Variants in WNT2B observed in about 807,000 individuals in gnomAD.
The protein encoded by WNT2B is protein Wnt-2b.
A neutral mutation model predicts 40.5 loss-of-function variants in WNT2B; 19 were observed. That is an observed-to-expected ratio of 0.47 (90% CI 0.33 to 0.69). WNT2B has a LOEUF of 0.69. Ranked by LOEUF, WNT2B falls within the 30% of genes least tolerant of loss-of-function variation. WNT2B has a pLI of 0.02. For missense variants in WNT2B, 467 were observed against 556.4 expected, an observed-to-expected ratio of 0.84 and a Z score of 1.62; for synonymous variants, 220 against 211.9, an observed-to-expected ratio of 1.04 and a Z score of -0.33.
At position 112,509,186 on chromosome 1, in the gene WNT2B, A is replaced by T; in HGVS notation, c.-77A>T. On this transcript the variant is annotated 5_prime_UTR_variant, in exon 1 of 5. Transcript: ENST00000369684. The surrounding 1 kb of genome is among the most constrained non-coding windows in gnomAD (Gnocchi z 4.2). ...CCATGGCCCCCCAGGGGGGTGAGGT[A>T]GGAGCAGCCTGAGTACCCCCAGAAG... The T allele has an allele frequency of 7.1e-7, 1 of 1,413,262 alleles. No individual in the cohort carries two copies. The highest frequency in any genetic ancestry group is 9.1e-7 in the Non-Finnish European group (1 of 1,094,710). The allele number at this position is 1,413,262 out of a possible 1,614,324, so 87.5% of individuals were successfully genotyped here.
intron 1 of WNT2B, among the ~76,000 whole-genome samples, chr1:112,493,460 A>T (rs1570775763): frequency 6.6e-6 from 1 of 152,240 alleles, no homozygotes; most frequent in East Asian, 1.9e-4. Context: ...TTTACAAAAA[A>T]ATGTATTTTG....
At chr1:112,485,950 T>C (rs559186311) in intron 1 of WNT2B, among the ~76,000 whole-genome samples, 3 of 152,282 alleles carry the variant, frequency 2.0e-5, no homozygotes, top group Admixed American at 6.5e-5. Flanking sequence ...GTGAAATACA[T>C]TGATTGATTT....
At chr1:112,500,997 T>C (rs1446159927) in intron 1 of WNT2B, among the ~76,000 whole-genome samples, 1 of 152,194 alleles carries the variant, frequency 6.6e-6, no homozygotes, top group Non-Finnish European at 1.5e-5. Context: ...CCCAGTGTCC[T>C]CTTCCTTTTC....
chr1:112,526,127 T>C lies in WNT2B; in HGVS notation c.*5618T>C, dbSNP rs2101127373. 1 of 1,613,928 alleles carries C rather than the reference T, an allele frequency of 6.2e-7. No homozygotes were observed. Among genetic ancestry groups the C allele is most frequent in the Non-Finnish European group, 8.5e-7 (1 of 1,179,940 alleles). ...GTCCCAGCACCTTCAAAACAGAAATTGATACAAAATGTTCAAGCCCTGTAG... is the reference window on the plus strand; with the variant it reads ...GTCCCAGCACCTTCAAAACAGAAATCGATACAAAATGTTCAAGCCCTGTAG... On this transcript the variant is annotated 3_prime_UTR_variant, in exon 5 of 5. Transcript: ENST00000369684.
upstream of WNT2B, among the ~76,000 whole-genome samples, chr1:112,508,199 G>A (rs1169058563): frequency 6.6e-6 from 1 of 151,986 alleles, no homozygotes; most frequent in Non-Finnish European, 1.5e-5. The surrounding 1 kb of genome is among the most constrained non-coding windows in gnomAD (Gnocchi z 4.2). Context: ...CCCCGCCCGA[G>A]AGGGTGGAGG....
upstream of WNT2B, among the ~76,000 whole-genome samples, chr1:112,508,587 G>A (rs1052107178): frequency 6.6e-6 from 1 of 152,332 alleles, no homozygotes; most frequent in Non-Finnish European, 1.5e-5. This position sits in a 1 kb window ranked among gnomAD's most constrained non-coding sequence, Gnocchi z 4.2. Flanking sequence ...TCCGTGCTCA[G>A]CGCCGGTGTC....
chr1:112,479,148 G>A (rs764794206), intron 1 of WNT2B, among the ~76,000 whole-genome samples: 12 of 151,990 alleles, frequency 7.9e-5, no homozygotes, highest in Non-Finnish European at 1.8e-4. Flanking sequence ...TTGAACCAAG[G>A]AGGTAGAGGT....
chr1:112,510,775 A>G (rs185994657), intron 1 of WNT2B, among the ~76,000 whole-genome samples: 1 of 152,002 alleles, frequency 6.6e-6, no homozygotes. Flanking sequence ...AGAGAGGCCT[A>G]TATCTTACAT....
At chr1:112,485,037 T>TA (rs1473464001) in intron 1 of WNT2B, among the ~76,000 whole-genome samples, 3 of 152,232 alleles carry the variant, frequency 2.0e-5, no homozygotes, top group African/African-American at 7.2e-5. Context: ...GGCTTTTTTG[T>TA]AGAAATTGAC....
rs376359831 is a variant in WNT2B, at chr1:112,529,904, C to T, written c.*9395C>T. ...TAGCAGACACAGTTGCTAGTTTGAA[C>T]AGGAATGCAGATGAATGGATGAAAG... On this transcript the variant is annotated 3_prime_UTR_variant, in exon 5 of 5. Transcript: ENST00000369684. 1.3e-5 allele frequency: 2 copies of T among 152,068 alleles called. No homozygotes were observed. The highest frequency in any genetic ancestry group is 4.2e-4 in the South Asian group (2 of 4,814). 9.4% of individuals were successfully genotyped at this position (152,068 alleles called of 1,614,324 possible).
At chr1:112,472,333 G>C (rs1026961255) in intron 1 of WNT2B, among the ~76,000 whole-genome samples, 2 of 152,172 alleles carry the variant, frequency 1.3e-5, no homozygotes, top group Admixed American at 6.5e-5. Flanking sequence ...ATCAGCAAAT[G>C]TATGAGGAAA....
intron 3 of WNT2B, 139 bp from the exon 4 acceptor site, chr1:112,516,982 G>C: frequency 8.8e-7 from 1 of 1,133,502 alleles, no homozygotes; most frequent in South Asian, 1.5e-5. Context: ...GATCTGATGT[G>C]GGAGAGAACC....
At chr1:112,513,141 A>G (rs1175350950) in intron 1 of WNT2B, among the ~76,000 whole-genome samples, 1 of 150,802 alleles carries the variant, frequency 6.6e-6, no homozygotes, top group African/African-American at 2.4e-5. Context: ...AAAAAAACAC[A>G]CCCATTGCCT....
Position 112,526,182 on chromosome 1 carries a change from T to A in WNT2B, c.*5673T>A. ...CCCAGGACAGCCAAGAGAGTATATC[T>A]GAGCACAGTTTACAAAGGAACAGCC... On this transcript the variant is annotated 3_prime_UTR_variant, in exon 5 of 5. Coordinates refer to ENST00000369684, the MANE Select transcript of WNT2B (RefSeq NM_024494.3). 1 of 1,599,358 alleles carries A rather than the reference T, an allele frequency of 6.3e-7. No individual in the cohort carries two copies. The highest frequency in any genetic ancestry group is 8.5e-7 in the Non-Finnish European group (1 of 1,172,870).
chr1:112,479,357 T>C (rs1374985128), intron 1 of WNT2B, among the ~76,000 whole-genome samples: 1 of 152,106 alleles, frequency 6.6e-6, no homozygotes, highest in Non-Finnish European at 1.5e-5. Flanking sequence ...GCTGATCACC[T>C]GAGGTCAGGA....
Position 112,520,902 on chromosome 1 carries a change from A to C in WNT2B, c.*393A>C. 5.2e-6 allele frequency: 1 copy of C among 190,948 alleles called. No homozygotes were observed. The highest frequency in any genetic ancestry group is 1.3e-4 in the South Asian group (1 of 7,572). 11.8% of individuals were successfully genotyped at this position (190,948 alleles called of 1,614,324 possible). A position where few individuals can be genotyped will look rare whatever the true frequency, so the allele number is the denominator to read the frequency against. ...CTGTAGAGAGCTTCTTTTTGTTTCT[A>C]CCTGGCCAAAGTTAGATGGGACAAA... On this transcript the variant is annotated 3_prime_UTR_variant, in exon 5 of 5. Transcript: ENST00000369684.
chr1:112,516,115 C>A, intron 2 of WNT2B, 25 bp from the exon 3 acceptor site: 1 of 1,592,058 alleles, frequency 6.3e-7, no homozygotes, highest in Non-Finnish European at 8.6e-7. Context: ...TTTCCTGAAG[C>A]ACACCTCTAC....
rs557252123 is a variant in WNT2B at position 112,517,487 on chromosome 1, G to A, written c.946+102G>A. ...AGTCTCAGGAGTTAGGGAAGGGGGT[G>A]CTGTGGGAGGAGGCAGTTTCCTCTC... On this transcript the variant is annotated intron_variant, in intron 4 of 4. Transcript: ENST00000369684. 2.7e-5 allele frequency: 39 copies of A among 1,425,938 alleles called. 1 individual carries two copies. The South Asian group carries it at 4.4e-4, about 16-fold the overall frequency. The allele number at this position is 1,425,938 out of a possible 1,614,324, so 88.3% of individuals were successfully genotyped here.
chr1:112,486,158 C>CACACAT (rs56037560), intron 1 of WNT2B, among the ~76,000 whole-genome samples: 1 of 151,186 alleles, frequency 6.6e-6, no homozygotes, highest in South Asian at 2.1e-4. Flanking sequence ...CACACACACA[C>CACACAT]CAGGCTGGGT....
Sources: allele counts gnomAD v4.1 joint callset (sites outside exome capture counted in the v4.1 genomes callset), GRCh38; gene constraint gnomAD v4.1.1; non-coding constraint Gnocchi (gnomAD v3.1); transcripts MANE v1.5; gene names NCBI Gene and HGNC (gene_info 2026-07-23, HGNC 2026-07-21).